FBXW7: variants seen among roughly 807,000 people sequenced by gnomAD.
FBXW7 encodes the protein F-box/WD repeat-containing protein 7.
Under a neutral mutation model 86.3 loss-of-function variants are expected in FBXW7, and 11 were observed. The ratio of observed to expected loss-of-function variants is 0.13; its 90% CI spans 0.08 to 0.21. The LOEUF is 0.21. Ranked by LOEUF, FBXW7 falls within the 10% of genes least tolerant of loss-of-function variation. The pLI, the probability that FBXW7 is intolerant of heterozygous loss-of-function variation, is 1.00. For synonymous variants in FBXW7, 313 were observed against 297.9 expected (o/e 1.05, Z -0.52); for missense variants, 488 against 847.4 (o/e 0.58, Z 5.27).
rs1750473926 is a variant in FBXW7, at chr4:152,535,627, CGCTCCCG to C, written c.-720_-714del. The C allele has an allele frequency of 2.5e-6, 1 of 397,006 alleles. No individual in the cohort carries two copies. Among genetic ancestry groups the C allele is most frequent in the Non-Finnish European group, 4.4e-6 (1 of 225,076 alleles). The allele number at this position is 397,006 out of a possible 1,614,324, so 24.6% of individuals were successfully genotyped here. ...GGCCGGCTCCGCTCGGCGCCGCCCC[CGCTCCCG>C]GCTCCCGCATGTGTCGCTGCGGCTG... On this transcript the variant is annotated 5_prime_UTR_variant, in exon 1 of 14. An upstream open reading frame in the 5' UTR loses its in-frame stop. Transcript: ENST00000281708.
intron 2 of FBXW7, among the ~76,000 whole-genome samples, chr4:152,434,736 T>G (rs1383442976): frequency 1.3e-5 from 2 of 152,174 alleles, no homozygotes; most frequent in Non-Finnish European, 2.9e-5. Context: ...AAATATCATT[T>G]GCAAAGATAC....
chr4:152,496,927 T>TA (rs1409263567), intron 2 of FBXW7, among the ~76,000 whole-genome samples: 1 of 152,114 alleles, frequency 6.6e-6, no homozygotes, highest in Non-Finnish European at 1.5e-5. Context: ...ATTAACACAA[T>TA]ATTGTAAAGA....
At chr4:152,439,316 G>C (rs1740663898) in intron 2 of FBXW7, among the ~76,000 whole-genome samples, 1 of 151,976 alleles carries the variant, frequency 6.6e-6, no homozygotes, top group South Asian at 2.1e-4. Context: ...TTCATCATAA[G>C]TAGAAATGAA....
chr4:152,531,084 T>C (rs1357188729), intron 2 of FBXW7, among the ~76,000 whole-genome samples: 1 of 152,062 alleles, frequency 6.6e-6, no homozygotes, highest in Non-Finnish European at 1.5e-5. Flanking sequence ...CACAAACATA[T>C]ACCCTCAAGG....
In FBXW7 at chr4:152,507,382, G is replaced by A. The variant is rs142266507; in HGVS notation, c.-120+27559C>T. On this transcript the variant is annotated intron_variant, in intron 2 of 13. Coordinates refer to ENST00000281708, the MANE Select transcript of FBXW7 (RefSeq NM_001349798.2). ...TTTTAAATTGTTATTATCAAATACCGAACAAAATTAAGGAAAAAATTCAAT... is the reference window on the plus strand; with the variant it reads ...TTTTAAATTGTTATTATCAAATACCAAACAAAATTAAGGAAAAAATTCAAT... Among the ~76,000 whole-genome samples the A allele has an allele frequency of 1.1e-4, 16 of 152,190 alleles. No individual in the cohort carries two copies. The East Asian group carries it at 1.3e-3, about 13-fold the overall frequency.
At chr4:152,482,799 T>C (rs1448206784) in intron 2 of FBXW7, among the ~76,000 whole-genome samples, 1 of 152,198 alleles carries the variant, frequency 6.6e-6, no homozygotes, top group East Asian at 1.9e-4. Flanking sequence ...TTTGTCTTTA[T>C]TCTCTTACAG....
chr4:152,483,641 T>C (rs1342049770), intron 2 of FBXW7, among the ~76,000 whole-genome samples: 1 of 152,054 alleles, frequency 6.6e-6, no homozygotes, highest in African/African-American at 2.4e-5. Flanking sequence ...AAGGCTGCAA[T>C]GAGCCATGAT....
intron 7 of FBXW7, among the ~76,000 whole-genome samples, chr4:152,333,692 AT>A (rs1230045989): frequency 2.6e-5 from 4 of 152,258 alleles, no homozygotes; most frequent in Admixed American, 6.5e-5. Flanking sequence ...AATTTTAATT[AT>A]TTTTTGATGC....
At chr4:152,485,943 C>A (rs1745296379) in intron 2 of FBXW7, among the ~76,000 whole-genome samples, 1 of 152,152 alleles carries the variant, frequency 6.6e-6, no homozygotes, top group African/African-American at 2.4e-5. Flanking sequence ...AGGCTATTCC[C>A]TCACTGTGCT....
chr4:152,332,793 C>T (rs1490277993), intron 7 of FBXW7, 74 bp from the exon 8 acceptor site: 3 of 720,204 alleles, frequency 4.2e-6, no homozygotes, highest in South Asian at 1.1e-4. Context: ...TAATTATTCT[C>T]CACAGGATGA....
chr4:152,412,598 AG>A (rs1378270333), intron 2 of FBXW7, 69 bp from the exon 3 acceptor site: 2 of 152,052 alleles, frequency 1.3e-5, no homozygotes, highest in Non-Finnish European at 2.9e-5. Context: ...CAAAAAATAA[AG>A]ATAAAAATAA....
chr4:152,501,145 T>A (rs752940844), intron 2 of FBXW7, among the ~76,000 whole-genome samples: 2 of 152,192 alleles, frequency 1.3e-5, no homozygotes, highest in Non-Finnish European at 2.9e-5. Flanking sequence ...TTAATGTGCA[T>A]GGTAAAATAT....
intron 4 of FBXW7, among the ~76,000 whole-genome samples, chr4:152,378,509 T>G (rs994025252): frequency 2.0e-5 from 3 of 152,104 alleles, no homozygotes; most frequent in Non-Finnish European, 4.4e-5. Flanking sequence ...ACAATATTTG[T>G]CTATAAACCA....
chr4:152,512,940 C>T (rs898568012), intron 2 of FBXW7, among the ~76,000 whole-genome samples: 1 of 152,220 alleles, frequency 6.6e-6, no homozygotes, highest in Non-Finnish European at 1.5e-5. Flanking sequence ...CGGCTCACCG[C>T]AACCTCCACC....
chr4:152,419,141 T>C (rs1414349316), intron 2 of FBXW7, among the ~76,000 whole-genome samples: 2 of 152,096 alleles, frequency 1.3e-5, no homozygotes, highest in Admixed American at 6.5e-5. Flanking sequence ...AGCTTTACTA[T>C]TCAACACTGT....
At chr4:152,393,761 C>A (rs528380757) in intron 4 of FBXW7, among the ~76,000 whole-genome samples, 1 of 152,190 alleles carries the variant, frequency 6.6e-6, no homozygotes, top group African/African-American at 2.4e-5. Context: ...CCATGGAAAC[C>A]AACCAAGTAA....
chr4:152,411,759 A>G lies in FBXW7; in HGVS notation c.45T>C (p.Thr15=), dbSNP rs368702202. 28 of 1,612,800 alleles carry G rather than the reference A, an allele frequency of 1.7e-5. No individual in the cohort carries two copies. Among genetic ancestry groups the G allele is most frequent in the Non-Finnish European group, 2.3e-5 (27 of 1,179,340 alleles). ...LLSVGSKRRR[T]GGSLRGNPSS... is the part of the protein sequence containing the mutation. ...AAGGGTTACCTCTCAGAGAGCCTCC[A>G]GTTCGTCGTCTTTTGCTGCCCACAG... The change falls in exon 4 of 14, where the codon ACT becomes ACC. Residue 15 remains threonine, a synonymous_variant. Coordinates refer to ENST00000281708, the MANE Select transcript of FBXW7 (RefSeq NM_001349798.2).
At position 152,484,961 on chromosome 4, in the gene FBXW7, C is replaced by CAA. The variant is rs369258930; in HGVS notation, c.-120+49978_-120+49979dup. Among the ~76,000 whole-genome samples, 409 of 102,840 alleles carry CAA rather than the reference C, an allele frequency of 4.0e-3. 3 individuals carry two copies. The highest frequency in any genetic ancestry group is 0.014 in the Middle Eastern group (3 of 210). The allele number at this position is 102,840 out of a possible 152,430, so 67.5% of individuals were successfully genotyped here. A position where few individuals can be genotyped will look rare whatever the true frequency, so the allele number is the denominator to read the frequency against. Reference sequence around the variant, plus strand: ...TGGGTGACAGAGCGAGACTCTGTCTCAAAAAAAAAAAAAAAAAGTATAAAG... The same window carrying CAA: ...TGGGTGACAGAGCGAGACTCTGTCTCAAAAAAAAAAAAAAAAAAAGTATAAAG... On this transcript the variant is annotated intron_variant, in intron 2 of 13. Coordinates refer to ENST00000281708, the MANE Select transcript of FBXW7 (RefSeq NM_001349798.2).
intron 2 of FBXW7, among the ~76,000 whole-genome samples, chr4:152,463,171 C>G (rs1199058466): frequency 1.3e-5 from 2 of 151,640 alleles, no homozygotes; most frequent in Non-Finnish European, 2.9e-5. Flanking sequence ...GCCTGTAATC[C>G]CAGCTACTTG....
Sources: gnomAD v4.1 joint callset for allele counts (sites outside exome capture counted in the v4.1 genomes callset) on GRCh38, gnomAD v4.1.1 for gene constraint, MANE v1.5 for transcripts, NCBI Gene and HGNC (gene_info 2026-07-23, HGNC 2026-07-21) for gene names.